TLL1: variants seen among roughly 807,000 people sequenced by gnomAD.
TLL1 encodes tolloid-like protein 1.
Under a neutral mutation model 128.2 loss-of-function variants are expected in TLL1, and 49 were observed. The ratio of observed to expected loss-of-function variants is 0.38; its 90% confidence interval spans 0.30 to 0.48. The LOEUF (loss-of-function observed/expected upper bound fraction) is 0.48, where lower values mean the gene tolerates loss of function less well. Ranked by LOEUF, TLL1 falls within the 20% of genes least tolerant of loss-of-function variation. The pLI, the probability that TLL1 is intolerant of heterozygous loss-of-function variation, is 0.96. For synonymous variants in TLL1, 454 were observed against 418.8 expected (o/e 1.08, Z -1.03); for missense variants, 1,123 against 1,242.0 (o/e 0.90, Z 1.44).
chr4:166,075,882 T>C (rs770561253), intron 17 of TLL1, among the ~76,000 whole-genome samples: 1 of 152,214 alleles, frequency 6.6e-6, no homozygotes, highest in Non-Finnish European at 1.5e-5. Flanking sequence ...TCCTTTGAAA[T>C]ATGGTTACAT....
Position 166,104,185 on chromosome 4 carries a change from G to A in TLL1, c.*3309G>A, listed in dbSNP as rs1259486634. On this transcript the variant is annotated 3_prime_UTR_variant, in exon 21 of 21. Coordinates refer to ENST00000061240, the MANE Select transcript of TLL1 (RefSeq NM_012464.5). Reference sequence around the variant, plus strand: ...CAAATATCAAATTTTGTTCTGCCATGTAGAAAAATCTCTAAAAGCATCAAA... The same window carrying A: ...CAAATATCAAATTTTGTTCTGCCATATAGAAAAATCTCTAAAAGCATCAAA... Among the ~76,000 whole-genome samples the A allele has an allele frequency of 6.6e-6, 1 of 151,834 alleles. No individual in the cohort carries two copies. Among genetic ancestry groups the A allele is most frequent in the African/African-American group, 2.4e-5 (1 of 41,388 alleles).
chr4:165,970,353 T>C (rs1735577897), intron 1 of TLL1, among the ~76,000 whole-genome samples: 1 of 152,184 alleles, frequency 6.6e-6, no homozygotes, highest in African/African-American at 2.4e-5. Context: ...ACAGTGGTTT[T>C]GGAAATGAAA....
chr4:165,966,038 G>T (rs1339035432), intron 1 of TLL1, among the ~76,000 whole-genome samples: 1 of 152,062 alleles, frequency 6.6e-6, no homozygotes, highest in Non-Finnish European at 1.5e-5. Flanking sequence ...AATTAGCTGG[G>T]TGTGGTGGTG....
At chr4:165,974,804 A>AT (rs1456159568) in intron 1 of TLL1, among the ~76,000 whole-genome samples, 1 of 152,162 alleles carries the variant, frequency 6.6e-6, no homozygotes, top group African/African-American at 2.4e-5. Flanking sequence ...CCAAATCTCC[A>AT]TTGCCAAAAT....
chr4:165,874,868 G>C (rs994028079), intron 1 of TLL1: 4 of 152,302 alleles, frequency 2.6e-5, no homozygotes, highest in African/African-American at 4.8e-5. Context: ...TCGCGCGCGC[G>C]GGGCGGCGCT....
At chr4:165,952,082 A>G (rs1022583884) in intron 1 of TLL1, among the ~76,000 whole-genome samples, 1 of 152,190 alleles carries the variant, frequency 6.6e-6, no homozygotes, top group Non-Finnish European at 1.5e-5. Context: ...AAAATTACAA[A>G]TAGTACTTGT....
At chr4:166,058,645 A>T (rs1265145686) in intron 14 of TLL1, among the ~76,000 whole-genome samples, 1 of 152,148 alleles carries the variant, frequency 6.6e-6, no homozygotes. Flanking sequence ...GAATTGGAAG[A>T]TCTTTCTTAC....
intron 12 of TLL1, chr4:166,044,336 T>C (rs1739365339): frequency 6.5e-7 from 1 of 1,533,820 alleles, no homozygotes; most frequent in African/African-American, 1.4e-5. Context: ...GCAGTGACCG[T>C]GGTCATGGTT....
At chr4:165,932,213 C>G (rs1033819607) in intron 1 of TLL1, among the ~76,000 whole-genome samples, 1 of 152,160 alleles carries the variant, frequency 6.6e-6, no homozygotes, top group Non-Finnish European at 1.5e-5. Flanking sequence ...CCCTATTCTG[C>G]TTTTATGAAC....
chr4:165,909,548 C>A (rs567830530), intron 1 of TLL1, among the ~76,000 whole-genome samples: 1 of 152,202 alleles, frequency 6.6e-6, no homozygotes, highest in African/African-American at 2.4e-5. Context: ...GAGGAGGAAC[C>A]AGTAAGGAGC....
chr4:165,965,078 G>A (rs769084992), intron 1 of TLL1, among the ~76,000 whole-genome samples: 22 of 151,244 alleles, frequency 1.5e-4, no homozygotes, highest in South Asian at 6.3e-4. Context: ...ATGTTATCTG[G>A]TTATGTTCAA....
chr4:165,994,656 T>C, intron 4 of TLL1, 123 bp downstream of exon 4: 1 of 1,122,272 alleles, frequency 8.9e-7, no homozygotes, highest in South Asian at 1.4e-5. Context: ...GGAAAACTAC[T>C]TCATTAACTT....
chr4:166,044,744 G>T (rs376941560), intron 12 of TLL1, among the ~76,000 whole-genome samples: 1 of 152,032 alleles, frequency 6.6e-6, no homozygotes, highest in Non-Finnish European at 1.5e-5. Context: ...CAAAAAAAAG[G>T]CTCATAAAAA....
chr4:165,914,800 A>G (rs1327800831), intron 1 of TLL1, among the ~76,000 whole-genome samples: 1 of 152,192 alleles, frequency 6.6e-6, no homozygotes, highest in Non-Finnish European at 1.5e-5. Flanking sequence ...TTCCCCAGAG[A>G]GAGATGTTAT....
At chr4:166,005,029 T>C (rs139893767) in intron 6 of TLL1, among the ~76,000 whole-genome samples, 14 of 152,064 alleles carry the variant, frequency 9.2e-5, no homozygotes, top group East Asian at 1.9e-4. Context: ...CTTAGGGTAG[T>C]ACACATCAAG....
intron 6 of TLL1, among the ~76,000 whole-genome samples, chr4:166,004,318 T>C (rs1737310665): frequency 6.6e-6 from 1 of 152,154 alleles, no homozygotes; most frequent in Non-Finnish European, 1.5e-5. Flanking sequence ...TTTATTTTCT[T>C]ATTCATGATC....
intron 5 of TLL1, among the ~76,000 whole-genome samples, chr4:165,998,103 AT>A (rs1188130182): frequency 6.6e-6 from 1 of 151,686 alleles, no homozygotes; most frequent in Admixed American, 6.6e-5. Flanking sequence ...TCTTTTCCTT[AT>A]TTTTTTCTTC....
At chr4:165,895,142 A>C (rs973358457) in intron 1 of TLL1, among the ~76,000 whole-genome samples, 1 of 152,150 alleles carries the variant, frequency 6.6e-6, no homozygotes, top group African/African-American at 2.4e-5. Flanking sequence ...GCAATAAGTC[A>C]AGTTCTAGTT....
At chr4:165,900,982 A>C (rs2110851987) in intron 1 of TLL1, among the ~76,000 whole-genome samples, 1 of 148,794 alleles carries the variant, frequency 6.7e-6, no homozygotes, top group South Asian at 2.3e-4. Context: ...TTATTTCATT[A>C]AGTTGATCTT....
Sources: allele counts gnomAD v4.1 joint callset (sites outside exome capture counted in the v4.1 genomes callset), GRCh38; gene constraint gnomAD v4.1.1; transcripts MANE v1.5; gene names NCBI Gene and HGNC (gene_info 2026-07-23, HGNC 2026-07-21).